Variants in MN1 observed in about 807,000 individuals in gnomAD.
The protein encoded by MN1 is transcriptional activator MN1.
In MN1, 19 loss-of-function variants were observed where a neutral mutation model predicts 86.9. The observed-to-expected ratio is 0.22, with a 90% CI of 0.15 to 0.32. The LOEUF is 0.32. MN1 is among the 10% of genes least tolerant of loss of function. The pLI is 1.00. For synonymous variants in MN1, 928 were observed against 849.6 expected (o/e 1.09, Z -1.60); for missense variants, 1,841 against 1,862.0 (o/e 0.99, Z 0.21).
chr22:27,776,668 T>C (rs1932982614), intron 1 of MN1, among the ~76,000 whole-genome samples: 1 of 151,776 alleles, frequency 6.6e-6, no homozygotes, highest in Non-Finnish European at 1.5e-5. Context: ...GTTTTTTTTT[T>C]CCTCCCCTAG....
chr22:27,756,176 G>A (rs1326126103), intron 1 of MN1, among the ~76,000 whole-genome samples: 2 of 152,236 alleles, frequency 1.3e-5, no homozygotes, highest in Non-Finnish European at 2.9e-5. Context: ...TGGGGTGAAG[G>A]GAGAATGGAA....
At chr22:27,793,886 GA>G (rs1338493313) in intron 1 of MN1, among the ~76,000 whole-genome samples, 2 of 152,272 alleles carry the variant, frequency 1.3e-5, no homozygotes, top group East Asian at 3.9e-4. Flanking sequence ...TTGGAGCGAA[GA>G]ATTTCAGAAA....
At chr22:27,793,338 A>G (rs576965988) in intron 1 of MN1, among the ~76,000 whole-genome samples, 5 of 144,650 alleles carry the variant, frequency 3.5e-5, no homozygotes, top group Admixed American at 2.7e-4. Flanking sequence ...CCTATTACAA[A>G]GATAGGTGGA....
At position 27,750,177 on chromosome 22, in the gene MN1, C is replaced by A. The variant is rs1408905917; in HGVS notation, c.*738G>T. On this transcript the variant is annotated 3_prime_UTR_variant, in exon 2 of 2. Transcript: ENST00000302326. ...TCACGTCCATCGCAGAGAGGGGCGG[C>A]TTCCAGCAGGAGAAGAGAGAACTCA... 2 of 231,650 alleles carry A rather than the reference C, an allele frequency of 8.6e-6. No homozygotes were observed. The highest frequency in any genetic ancestry group is 1.7e-5 in the Non-Finnish European group (2 of 117,144). 14.3% of individuals were successfully genotyped at this position (231,650 alleles called of 1,614,324 possible). A position where few individuals can be genotyped will look rare whatever the true frequency, so the allele number is the denominator to read the frequency against.
intron 1 of MN1, among the ~76,000 whole-genome samples, chr22:27,756,205 G>A (rs926915040): frequency 2.0e-5 from 3 of 152,220 alleles, no homozygotes; most frequent in Non-Finnish European, 4.4e-5. Flanking sequence ...ACGTTTACCT[G>A]GGGATGTTGC....
In MN1 at chr22:27,799,502, G is replaced by C. The variant is rs986147784; in HGVS notation, c.1042C>G (p.Pro348Ala). The C allele has an allele frequency of 5.5e-6, 8 of 1,453,104 alleles. No individual in the cohort carries two copies. The South Asian group carries it at 1.2e-4, about 21-fold the overall frequency. 90.0% of individuals were successfully genotyped at this position (1,453,104 alleles called of 1,614,324 possible). Residue 348 changes from proline to alanine, a missense_variant, in exon 1 of 2, where the codon CCT (proline) becomes GCT (alanine). Coordinates refer to ENST00000302326, the MANE Select transcript of MN1 (RefSeq NM_002430.3). Reference sequence around the variant, plus strand: ...GGCTGCTGCGGGGGCTGCTGCTGAGGGGGTGGCGGGGCCTGCTGGGGAGGC... The same window carrying C: ...GGCTGCTGCGGGGGCTGCTGCTGAGCGGGTGGCGGGGCCTGCTGGGGAGGC... Reference protein sequence around the residue: ...MQPPQQAPPPPQQQPPQQPPQ... With the variant: ...MQPPQQAPPPAQQQPPQQPPQ...
At chr22:27,786,701 G>C (rs1182481270) in intron 1 of MN1, among the ~76,000 whole-genome samples, 1 of 152,114 alleles carries the variant, frequency 6.6e-6, no homozygotes, top group Non-Finnish European at 1.5e-5. Flanking sequence ...CAACGACTGG[G>C]CTTTTTCTCC....
chr22:27,777,877 CAA>C (rs754050669), intron 1 of MN1, among the ~76,000 whole-genome samples: 7 of 139,432 alleles, frequency 5.0e-5, no homozygotes, highest in Non-Finnish European at 3.1e-5. Flanking sequence ...ACTGCATCTC[CAA>C]AAAAAAAAAA....
chr22:27,768,713 G>A (rs960761633), intron 1 of MN1, among the ~76,000 whole-genome samples: 1 of 152,204 alleles, frequency 6.6e-6, no homozygotes, highest in African/African-American at 2.4e-5. Context: ...GGCCAAGGCA[G>A]GAGGATCACT....
At chr22:27,790,971 C>T (rs5762357) in intron 1 of MN1, among the ~76,000 whole-genome samples, 3,529 of 152,246 alleles carry the variant, frequency 0.023, 99 homozygotes, top group African/African-American at 0.058. Flanking sequence ...AACCTGTCAG[C>T]TAAGGCCATT....
Position 27,797,099 on chromosome 22 carries a change from C to T in MN1, c.3445G>A (p.Glu1149Lys), listed in dbSNP as rs753888505. The change falls in exon 1 of 2, where the codon GAG becomes AAG. Residue 1149 changes from glutamate (E) to lysine (K), a missense_variant. Transcript: ENST00000302326. ...TSSSGAPPPD[E>K]IHPLEILQAQ... ...TGAAGGATCTCCAGGGGGTGGATCT[C>T]GTCGGGTGGCGGGGCGCCGCTGCTG... The T allele has an allele frequency of 2.5e-6, 4 of 1,603,278 alleles. No homozygotes were observed. In the South Asian group the frequency reaches 3.3e-5, roughly 13 times the overall value.
At chr22:27,759,285 A>G (rs1351360859) in intron 1 of MN1, among the ~76,000 whole-genome samples, 1 of 152,170 alleles carries the variant, frequency 6.6e-6, no homozygotes, top group Non-Finnish European at 1.5e-5. Context: ...CTGCCTGTGC[A>G]CACTTGATCC....
chr22:27,762,025 C>T (rs552653389), intron 1 of MN1, among the ~76,000 whole-genome samples: 5 of 152,266 alleles, frequency 3.3e-5, no homozygotes, highest in East Asian at 1.9e-4. Flanking sequence ...GCATGACAGC[C>T]GCGGACGGCA....
At chr22:27,793,450 T>G (rs1391255137) in intron 1 of MN1, among the ~76,000 whole-genome samples, 1 of 152,230 alleles carries the variant, frequency 6.6e-6, no homozygotes, top group Admixed American at 6.5e-5. Flanking sequence ...ACCAATTTAA[T>G]TGATGTTTGA....
intron 1 of MN1, among the ~76,000 whole-genome samples, chr22:27,772,474 G>A (rs900599925): frequency 3.9e-5 from 6 of 152,174 alleles, no homozygotes; most frequent in South Asian, 2.1e-4. Context: ...CAAGTGTGAC[G>A]AAGTACAGTC....
intron 1 of MN1, among the ~76,000 whole-genome samples, chr22:27,774,104 A>C (rs774780478): frequency 6.6e-6 from 1 of 151,910 alleles, no homozygotes; most frequent in Non-Finnish European, 1.5e-5. Context: ...ATTCCCCCCA[A>C]CTCTGCAGAG....
chr22:27,752,825 G>A (rs2189132), intron 1 of MN1, among the ~76,000 whole-genome samples: 43,610 of 152,088 alleles, frequency 0.29, 6,475 homozygotes, highest in Middle Eastern at 0.36. Context: ...GGGGGGCTCT[G>A]CTCCAGCTGA....
chr22:27,772,225 G>C (rs1250497885), intron 1 of MN1, among the ~76,000 whole-genome samples: 4 of 152,172 alleles, frequency 2.6e-5, no homozygotes, highest in Non-Finnish European at 5.9e-5. Flanking sequence ...GCCCAGCAGG[G>C]GCTGGGCCAA....
In MN1 at chr22:27,800,545, C is replaced by T. The variant is rs1933415973; in HGVS notation, c.-2G>A. On this transcript the variant is annotated 5_prime_UTR_variant, in exon 1 of 2. Transcript: ENST00000302326. Reference sequence around the variant, plus strand: ...CTCGAATTGGTCCAGCCCAAACATACTTGGCGGGGGGCAGAGGGGGATCAA... The same window carrying T: ...CTCGAATTGGTCCAGCCCAAACATATTTGGCGGGGGGCAGAGGGGGATCAA... 6.2e-7 allele frequency: 1 copy of T among 1,613,938 alleles called. No individual in the cohort carries two copies. Among genetic ancestry groups the T allele is most frequent in the Non-Finnish European group, 8.5e-7 (1 of 1,180,024 alleles).
Sources: allele counts gnomAD v4.1 joint callset (sites outside exome capture counted in the v4.1 genomes callset), GRCh38; gene constraint gnomAD v4.1.1; transcripts MANE v1.5; gene names NCBI Gene and HGNC (gene_info 2026-07-23, HGNC 2026-07-21).